Variants in MEGF10 observed in about 807,000 individuals in gnomAD.
MEGF10 encodes multiple EGF like domains 10, also known as multiple epidermal growth factor-like domains protein 10.
A neutral mutation model predicts 147.5 loss-of-function variants in MEGF10; 86 were observed. That is an observed-to-expected ratio of 0.58 (90% confidence interval 0.49 to 0.70). The LOEUF (loss-of-function observed/expected upper bound fraction) is 0.70. Ranked by LOEUF, MEGF10 falls within the 30% of genes least tolerant of loss-of-function variation. MEGF10 has a pLI of 0.00. For synonymous variants in MEGF10, 478 were observed against 525.5 expected (o/e 0.91, Z 1.24); for missense variants, 1,329 against 1,487.3 (o/e 0.89, Z 1.75).
intron 15 of MEGF10, 102 bp from the exon 16 acceptor site, chr5:127,435,259 C>A: frequency 7.5e-7 from 1 of 1,337,400 alleles, no homozygotes; most frequent in Admixed American, 2.3e-5. Context: ...TACCAATGAG[C>A]AGCTGGGCCT....
At chr5:127,405,893 A>G (rs1257270403) in intron 8 of MEGF10, among the ~76,000 whole-genome samples, 1 of 152,054 alleles carries the variant, frequency 6.6e-6, no homozygotes, top group African/African-American at 2.4e-5. Flanking sequence ...GCAATGAATT[A>G]TTGACATCCT....
At chr5:127,424,324 G>GT (rs1765135425) in intron 13 of MEGF10, 1 of 705,300 alleles carries the variant, frequency 1.4e-6, no homozygotes, top group Non-Finnish European at 2.6e-6. Flanking sequence ...TTTTAAATTG[G>GT]TTTTTCTTTT....
At chr5:127,308,566 A>G (rs1309835049) in intron 1 of MEGF10, among the ~76,000 whole-genome samples, 1 of 152,190 alleles carries the variant, frequency 6.6e-6, no homozygotes, top group Non-Finnish European at 1.5e-5. Context: ...TTTTGTAGGG[A>G]CATGGATGAA....
At chr5:127,348,195 G>A (rs1216781193) in intron 4 of MEGF10, among the ~76,000 whole-genome samples, 2 of 151,980 alleles carry the variant, frequency 1.3e-5, no homozygotes, top group African/African-American at 2.4e-5. Context: ...TGATCCATTT[G>A]CTTATATCCA....
chr5:127,414,211 G>A (rs1040029801), intron 9 of MEGF10, among the ~76,000 whole-genome samples: 3 of 151,968 alleles, frequency 2.0e-5, no homozygotes, highest in Non-Finnish European at 4.4e-5. Flanking sequence ...TTCATGTCTG[G>A]TCCCCTCAGC....
At chr5:127,391,960 T>G (rs1156947083) in intron 5 of MEGF10, among the ~76,000 whole-genome samples, 1 of 152,100 alleles carries the variant, frequency 6.6e-6, no homozygotes, top group Non-Finnish European at 1.5e-5. Flanking sequence ...GGCCTGGAGT[T>G]CAAGATCAGC....
the MEGF10 span, among the ~76,000 whole-genome samples, chr5:127,263,087 G>A: frequency 1.3e-5 from 2 of 152,076 alleles, no homozygotes; most frequent in African/African-American, 4.8e-5. Context: ...ACCTTTAAAG[G>A]TATATTGCCT....
chr5:127,401,946 T>C (rs375029874), intron 7 of MEGF10, among the ~76,000 whole-genome samples: 5 of 152,208 alleles, frequency 3.3e-5, no homozygotes, highest in African/African-American at 1.2e-4. Flanking sequence ...GAAAATAAAA[T>C]GTTTTTCTTC....
intron 13 of MEGF10, chr5:127,424,332 T>C: frequency 1.4e-6 from 1 of 708,520 alleles, no homozygotes; most frequent in Non-Finnish European, 2.6e-6. Context: ...TGGTTTTTCT[T>C]TTTCAGGATT....
chr5:127,385,700 GT>G (rs1561610511), intron 5 of MEGF10, among the ~76,000 whole-genome samples: 1 of 152,186 alleles, frequency 6.6e-6, no homozygotes, highest in Non-Finnish European at 1.5e-5. Flanking sequence ...GATTTGATAT[GT>G]TATCCCACTG....
intron 5 of MEGF10, among the ~76,000 whole-genome samples, chr5:127,396,157 GC>G (rs200337535): frequency 0.011 from 1,701 of 152,262 alleles, 21 homozygotes; most frequent in East Asian, 0.046. Flanking sequence ...CCCTGCATGA[GC>G]TGATCATTCC....
chr5:127,445,651 A>C lies in MEGF10; in HGVS notation c.2686A>C (p.Thr896Pro), dbSNP rs1318829482. 7 of 1,613,960 alleles carry C rather than the reference A, an allele frequency of 4.3e-6. No individual in the cohort carries two copies. The highest frequency in any genetic ancestry group is 5.1e-6 in the Non-Finnish European group (6 of 1,179,982). ...ATCAAGCATGCCAGCAGTTACCTACACCCCTGCTATGAGGGTCGTCAATGC... is the reference window on the plus strand; with the variant it reads ...ATCAAGCATGCCAGCAGTTACCTACCCCCCTGCTATGAGGGTCGTCAATGC... ...KESSMPAVTYTPAMRVVNADY... is the reference protein window; with the variant it reads ...KESSMPAVTYPPAMRVVNADY... The change falls in exon 20 of 25, where the codon ACC becomes CCC. Residue 896 changes from threonine to proline, a missense_variant. Around this residue, in one of 3 missense-constraint regions of MEGF10, gnomAD observed 343 missense variants for 377.9 expected, o/e 0.91. Transcript: ENST00000503335.
chr5:127,453,952 G>A (rs571663836), intron 22 of MEGF10, among the ~76,000 whole-genome samples: 2 of 152,190 alleles, frequency 1.3e-5, no homozygotes, highest in East Asian at 1.9e-4. Flanking sequence ...CCACACCCAC[G>A]AAATAAAGGC....
intron 22 of MEGF10, among the ~76,000 whole-genome samples, chr5:127,453,106 T>G (rs765382799): frequency 1.3e-5 from 2 of 152,250 alleles, no homozygotes. Flanking sequence ...AAGAGATGCA[T>G]GCACAGTGGC....
intron 22 of MEGF10, among the ~76,000 whole-genome samples, chr5:127,452,120 T>C (rs1159535861): frequency 6.6e-6 from 1 of 152,214 alleles, no homozygotes; most frequent in Non-Finnish European, 1.5e-5. Flanking sequence ...GAATCCTGAC[T>C]GCTCCCTCAT....
intron 4 of MEGF10, among the ~76,000 whole-genome samples, chr5:127,355,314 T>TA (rs147939406): frequency 0.035 from 5,254 of 148,320 alleles, 221 homozygotes; most frequent in Middle Eastern, 0.11. Context: ...TGTCAAATAT[T>TA]AAAAAAAAAA....
At chr5:127,430,649 T>A (rs1391649502) in intron 13 of MEGF10, among the ~76,000 whole-genome samples, 3 of 152,042 alleles carry the variant, frequency 2.0e-5, no homozygotes, top group Non-Finnish European at 4.4e-5. Context: ...TTTCTGACTG[T>A]AAGATGAAGG....
chr5:127,429,115 A>AC (rs1765309013), intron 13 of MEGF10, among the ~76,000 whole-genome samples: 1 of 151,788 alleles, frequency 6.6e-6, no homozygotes, highest in Admixed American at 6.6e-5. Flanking sequence ...ATTTAAACCT[A>AC]CCCCCTTCCC....
In MEGF10 at chr5:127,310,035, C is replaced by CTTCT. The variant is rs1204234147; in HGVS notation, c.-19+18986_-19+18989dup. On this transcript the variant is annotated intron_variant, in intron 1 of 24. Coordinates refer to ENST00000503335, the MANE Select transcript of MEGF10 (RefSeq NM_001256545.2). Reference sequence around the variant, plus strand: ...CTTTCTTTTTTTCTTTCTTTCTTTCCTTCTTTCTTTATTTCTTTCTTTCTT... The same window carrying CTTCT: ...CTTTCTTTTTTTCTTTCTTTCTTTCCTTCTTTCTTTCTTTATTTCTTTCTTTCTT... 1.7e-3 allele frequency among the ~76,000 whole-genome samples: 40 copies of CTTCT among 22,932 alleles called. 8 individuals are homozygous for CTTCT. The highest frequency in any genetic ancestry group is 0.05 in the Middle Eastern group (1 of 20). The allele number at this position is 22,932 out of a possible 152,430, so 15.0% of individuals were successfully genotyped here.
Sources: gnomAD v4.1 joint callset for allele counts (sites outside exome capture counted in the v4.1 genomes callset) on GRCh38, gnomAD v4.1.1 for gene constraint, gnomAD v4.1.1 regional missense constraint, MANE v1.5 for transcripts, NCBI Gene and HGNC (gene_info 2026-07-23, HGNC 2026-07-21) for gene names.